SGK3: variants seen among roughly 807,000 people sequenced by gnomAD.
SGK3 encodes serine/threonine-protein kinase Sgk3.
In SGK3, 47 loss-of-function variants were observed where a neutral mutation model predicts 68.5. The ratio of observed to expected loss-of-function variants is 0.69; its 90% CI spans 0.54 to 0.87. The LOEUF is 0.87. Ranked by LOEUF, SGK3 falls within the 40% of genes least tolerant of loss-of-function variation. The pLI, the probability that SGK3 is intolerant of heterozygous loss-of-function variation, is 0.00. For missense variants in SGK3, 479 were observed against 575.5 expected, an observed-to-expected ratio of 0.83 and a Z score of 1.72; for synonymous variants, 181 against 189.1, an observed-to-expected ratio of 0.96 and a Z score of 0.35.
chr8:66,740,289 TA>T, intron 1 of SGK3, among the ~76,000 whole-genome samples: 1 of 152,288 alleles, frequency 6.6e-6, no homozygotes, highest in East Asian at 1.9e-4. Flanking sequence ...TAAAAAAGAA[TA>T]AGAAAAATGT....
At chr8:66,847,465 T>A (rs1810080468) in intron 15 of SGK3, 117 bp downstream of exon 15, 1 of 1,442,478 alleles carries the variant, frequency 6.9e-7, no homozygotes, top group Admixed American at 2.7e-5. Context: ...AATAGCAACA[T>A]GGAAAAAAAG....
In SGK3 at chr8:66,860,534, C is replaced by T. The variant is rs1212429215; in HGVS notation, c.*953C>T. On this transcript the variant is annotated 3_prime_UTR_variant, in exon 17 of 17. Coordinates refer to ENST00000521198, the MANE Select transcript of SGK3 (RefSeq NM_001033578.3). ...TTCAACTTTGTGGATTATTTTTCCT[C>T]TGAAGGAAAAGAAAAGGCTTAATGG... 2.0e-5 allele frequency: 3 copies of T among 151,816 alleles called. No individual in the cohort carries two copies. The highest frequency in any genetic ancestry group is 4.4e-5 in the Non-Finnish European group (3 of 67,982). The allele number at this position is 151,816 out of a possible 1,614,324, so 9.4% of individuals were successfully genotyped here. A position where few individuals can be genotyped will look rare whatever the true frequency, so the allele number is the denominator to read the frequency against.
chr8:66,827,239 G>A (rs188020364), intron 6 of SGK3, among the ~76,000 whole-genome samples: 36 of 151,510 alleles, frequency 2.4e-4, no homozygotes, highest in Admixed American at 9.2e-4. Context: ...AAAATTAACC[G>A]GGCATGGTGG....
intron 1 of SGK3, among the ~76,000 whole-genome samples, chr8:66,787,009 C>T (rs1476410187): frequency 7.6e-6 from 1 of 131,700 alleles, no homozygotes; most frequent in Non-Finnish European, 1.5e-5. Context: ...ACCATCTTGG[C>T]TCACTGCAAC....
chr8:66,799,464 T>C (rs1807839404), intron 3 of SGK3, among the ~76,000 whole-genome samples: 1 of 152,232 alleles, frequency 6.6e-6, no homozygotes, highest in Admixed American at 6.5e-5. Flanking sequence ...GCAGTGTTTG[T>C]GGATAGTGTT....
chr8:66,836,771 C>CTTTTT (rs35857638), intron 10 of SGK3, among the ~76,000 whole-genome samples: 3 of 118,094 alleles, frequency 2.5e-5, no homozygotes, highest in Non-Finnish European at 5.3e-5. Flanking sequence ...GTCAGGATAT[C>CTTTTT]TTTTTTTTTT....
intron 1 of SGK3, among the ~76,000 whole-genome samples, chr8:66,781,147 A>G (rs1224399116): frequency 6.6e-6 from 1 of 152,028 alleles, no homozygotes; most frequent in Non-Finnish European, 1.5e-5. Context: ...TGTGCCTACA[A>G]ATGGAAAAGC....
rs35284393 is a variant in SGK3, at chr8:66,789,123, GAAAA to G, written c.-121-4482_-121-4479del. 6.3e-5 allele frequency among the ~76,000 whole-genome samples: 8 copies of G among 126,624 alleles called. No homozygotes were observed. In the East Asian group the frequency reaches 1.2e-3, roughly 19 times the overall value. The allele number at this position is 126,624 out of a possible 152,430, so 83.1% of individuals were successfully genotyped here. On this transcript the variant is annotated intron_variant, in intron 1 of 16. Coordinates refer to ENST00000521198, the MANE Select transcript of SGK3 (RefSeq NM_001033578.3). ...TCCGGGATTATGCTAATTTTATTCA[GAAAA>G]AAAAAAAAAACACTACATTTAGAAT...
At chr8:66,739,529 G>T (rs756706482) in intron 1 of SGK3, among the ~76,000 whole-genome samples, 14 of 152,082 alleles carry the variant, frequency 9.2e-5, no homozygotes, top group Admixed American at 2.6e-4. Flanking sequence ...CAAGTAGCTG[G>T]AATTACAGGT....
chr8:66,801,623 G>C (rs144860861), intron 3 of SGK3, among the ~76,000 whole-genome samples: 5 of 152,040 alleles, frequency 3.3e-5, no homozygotes, highest in African/African-American at 1.2e-4. Flanking sequence ...GTGTCTGTCT[G>C]TCTCTGTCTC....
At chr8:66,859,048 T>C (rs868394645) in intron 16 of SGK3, among the ~76,000 whole-genome samples, 2 of 152,084 alleles carry the variant, frequency 1.3e-5, no homozygotes, top group African/African-American at 4.8e-5. Flanking sequence ...AAGGACTAAA[T>C]TGGGCCAGGC....
chr8:66,851,543 A>C (rs1810289190), intron 16 of SGK3, among the ~76,000 whole-genome samples: 1 of 152,034 alleles, frequency 6.6e-6, no homozygotes, highest in Non-Finnish European at 1.5e-5. Flanking sequence ...AAAAAAAAAA[A>C]ACAGGTATAG....
At chr8:66,808,699 A>G (rs1156635060) in intron 4 of SGK3, among the ~76,000 whole-genome samples, 7 of 151,598 alleles carry the variant, frequency 4.6e-5, no homozygotes, top group Non-Finnish European at 1.5e-5. Context: ...TTTAGTAGAG[A>G]TGAGGTTTCT....
chr8:66,790,510 C>T (rs369443154), intron 1 of SGK3, among the ~76,000 whole-genome samples: 2 of 152,120 alleles, frequency 1.3e-5, no homozygotes, highest in African/African-American at 4.8e-5. Flanking sequence ...CAGCCAGTGC[C>T]GTATGTTAAC....
chr8:66,793,961 A>G (rs1807569948), intron 2 of SGK3, 129 bp downstream of exon 2: 5 of 990,534 alleles, frequency 5.0e-6, no homozygotes, highest in South Asian at 3.2e-5. Flanking sequence ...CTTCTTTCAC[A>G]TGATCTGTTC....
chr8:66,768,501 A>G (rs1031303882), intron 1 of SGK3, among the ~76,000 whole-genome samples: 4 of 151,910 alleles, frequency 2.6e-5, no homozygotes, highest in Non-Finnish European at 5.9e-5. Flanking sequence ...TAGGTAAATA[A>G]TTTTAGGTTG....
chr8:66,800,711 T>C (rs186976272), intron 3 of SGK3, among the ~76,000 whole-genome samples: 152 of 152,328 alleles, frequency 1.0e-3, no homozygotes, highest in African/African-American at 3.5e-3. Flanking sequence ...TTCCTAATAT[T>C]CAAATCACTT....
intron 16 of SGK3, among the ~76,000 whole-genome samples, chr8:66,858,809 C>T (rs1226528515): frequency 1.3e-5 from 2 of 152,042 alleles, no homozygotes; most frequent in Non-Finnish European, 2.9e-5. Context: ...TTTTTTAGCT[C>T]ATCAGCTATT....
intron 1 of SGK3, among the ~76,000 whole-genome samples, chr8:66,774,589 C>A (rs1044091141): frequency 1.3e-5 from 2 of 152,092 alleles, no homozygotes; most frequent in Non-Finnish European, 2.9e-5. Context: ...GAGTAGCACA[C>A]TACGGACATT....
Sources: gnomAD v4.1 joint callset for allele counts (sites outside exome capture counted in the v4.1 genomes callset) on GRCh38, gnomAD v4.1.1 for gene constraint, MANE v1.5 for transcripts, NCBI Gene and HGNC (gene_info 2026-07-23, HGNC 2026-07-21) for gene names.